Variants in FLNC observed in about 807,000 individuals in gnomAD.
FLNC encodes the protein filamin-C.
Under a neutral mutation model 254.3 loss-of-function variants are expected in FLNC, and 91 were observed. The ratio of observed to expected loss-of-function variants is 0.36; its 90% confidence interval spans 0.30 to 0.43. FLNC has a LOEUF of 0.43. FLNC is among the 20% of genes least tolerant of loss of function. FLNC has a pLI of 1.00. For missense variants in FLNC, 2,853 were observed against 3,802.6 expected (o/e 0.75, Z 6.57); for synonymous variants, 1,430 against 1,577.2 (o/e 0.91, Z 2.21).
rs773294974 is a variant in FLNC, at chr7:128,848,704, C to G, written c.4724C>G (p.Thr1575Ser). The G allele has an allele frequency of 7.4e-6, 12 of 1,613,666 alleles. No individual in the cohort carries two copies. In the South Asian group the frequency reaches 1.1e-4, roughly 15 times the overall value. The change falls in exon 27 of 48, where the codon ACT (threonine) becomes AGT (serine). Residue 1575 changes from threonine (T) to serine (S), a missense_variant. Physicochemically the swap from Thr to Ser is moderately conservative, Grantham distance 58. Coordinates refer to ENST00000325888, the MANE Select transcript of FLNC (RefSeq NM_001458.5). ...DARDAGEGLL[T>S]VQILDPEGKP... The stretch of plus-strand genomic sequence containing the variant: ...CGGGACGCGGGCGAGGGGTTGCTCA[C>G]TGTCCAGATCTTGGTGAGTCTCTGT...
rs1443062678 is a variant in FLNC, at chr7:128,846,617, TGTAGCTC to T, written c.4128-125_4128-119del. On this transcript the variant is annotated intron_variant, in intron 23 of 47. Coordinates refer to ENST00000325888, the MANE Select transcript of FLNC (RefSeq NM_001458.5). Reference sequence around the variant, plus strand: ...CCCTCCAGGACCCCAGATTGGCCCCTGTAGCTCGTTTCTCCTCAGCTGGGTCCCCAGC... The same window carrying T: ...CCCTCCAGGACCCCAGATTGGCCCCTGTTTCTCCTCAGCTGGGTCCCCAGC... 3 of 1,343,904 alleles carry T rather than the reference TGTAGCTC, an allele frequency of 2.2e-6. No homozygotes were observed. The East Asian group carries it at 7.2e-5, about 32-fold the overall frequency. The allele number at this position is 1,343,904 out of a possible 1,614,324, so 83.2% of individuals were successfully genotyped here.
chr7:128,843,369 G>A (rs1415281650), intron 17 of FLNC, 39 bp from the exon 18 acceptor site: 4 of 1,613,152 alleles, frequency 2.5e-6, no homozygotes, highest in East Asian at 2.2e-5. Flanking sequence ...GGGTTAGGTG[G>A]CTGCCAGGCC....
Position 128,850,035 on chromosome 7 carries a change from C to T in FLNC, c.5259C>T (p.Pro1753=), listed in dbSNP as rs1356213468. 6.4e-7 allele frequency: 1 copy of T among 1,557,450 alleles called. No homozygotes were observed. The highest frequency in any genetic ancestry group is 1.7e-4 in the Middle Eastern group (1 of 5,990). The change falls in exon 31 of 48, where the codon CCC becomes CCT. Residue 1753 remains proline, a synonymous_variant. Transcript: ENST00000325888. ...CTGAAGTGCCACAGCTGCGCCAGCC[C>T]TACGCTCCTCCCCGGCCCGGCGCCC... ...EPSEVPQLRQ[P]YAPPRPGARP...
rs982026083 is a variant in FLNC at position 128,847,831 on chromosome 7, G to T, written c.4423G>T (p.Ala1475Ser). The stretch of plus-strand genomic sequence containing the variant: ...AGTGGATTGCAGTCAAGCTGGCCGG[G>T]CGCCCCTGCAGGTGGCTGTGCTGGG... ...FTVDCSQAGR[A>S]PLQVAVLGPT... The change falls in exon 25 of 48, where the codon GCG (alanine) becomes TCG (serine). Residue 1475 changes from alanine (A) to serine (S), a missense_variant. Transcript: ENST00000325888. 1 of 1,613,632 alleles carries T rather than the reference G, an allele frequency of 6.2e-7. No homozygotes were observed. The highest frequency in any genetic ancestry group is 1.7e-5 in the Admixed American group (1 of 60,026).
At chr7:128,850,719 A>G (rs556117587) in intron 32 of FLNC, 84 bp from the exon 33 acceptor site, 54 of 1,594,066 alleles carry the variant, frequency 3.4e-5, no homozygotes, top group Non-Finnish European at 4.6e-5. Flanking sequence ...GTGGCAGCAG[A>G]AGCACTCAGG....
At position 128,854,204 on chromosome 7, in the gene FLNC, C is replaced by T. The variant is rs367820987; in HGVS notation, c.6715C>T (p.Arg2239Trp). ...ERLGSFGSIT[R>W]QQEGEASSQD... ...CCTGGGATCCTTCGGCAGCATCACC[C>T]GGCAGCAGGAGGGTGAGCACCGCAC... The change falls in exon 40 of 48, where the codon CGG (arginine) becomes TGG (tryptophan). Residue 2239 changes from arginine (R) to tryptophan (W), a missense_variant. By Grantham distance (101) the Arg-to-Trp change is moderately radical. This residue lies in a region of FLNC where 551 missense variants were observed against 835.0 expected (regional missense o/e 0.66). Transcript: ENST00000325888. 93 of 1,607,336 alleles carry T rather than the reference C, an allele frequency of 5.8e-5. No individual in the cohort carries two copies. The highest frequency in any genetic ancestry group is 6.7e-5 in the Non-Finnish European group (79 of 1,177,446).
rs569896722 is a variant in FLNC at position 128,844,520 on chromosome 7, A to G, written c.3193-138A>G. On this transcript the variant is annotated intron_variant, in intron 20 of 47. Transcript: ENST00000325888. Reference sequence around the variant, plus strand: ...CAAATTGCTTCATCTCGCTGCCTCAATGTCATCACCTGGGATTGTTATAAG... The same window carrying G: ...CAAATTGCTTCATCTCGCTGCCTCAGTGTCATCACCTGGGATTGTTATAAG... 37 of 959,444 alleles carry G rather than the reference A, an allele frequency of 3.9e-5. 1 individual carries two copies. In the South Asian group the frequency reaches 4.1e-4, roughly 11 times the overall value. The allele number at this position is 959,444 out of a possible 1,614,324, so 59.4% of individuals were successfully genotyped here. A position where few individuals can be genotyped will look rare whatever the true frequency, so the allele number is the denominator to read the frequency against.
chr7:128,843,704 G>A, intron 18 of FLNC, 92 bp from the exon 19 acceptor site: 2 of 1,494,388 alleles, frequency 1.3e-6, no homozygotes, highest in Non-Finnish European at 9.3e-7. Flanking sequence ...TCACTCTCAT[G>A]GTGGATCTGA....
In FLNC at chr7:128,842,442, G is replaced by C; in HGVS notation, c.2265+68G>C. 1 of 1,608,832 alleles carries C rather than the reference G, an allele frequency of 6.2e-7. No homozygotes were observed. Among genetic ancestry groups the C allele is most frequent in the East Asian group, 2.2e-5 (1 of 44,796 alleles). On this transcript the variant is annotated intron_variant, in intron 14 of 47. Coordinates refer to ENST00000325888, the MANE Select transcript of FLNC (RefSeq NM_001458.5). This position sits in a 1 kb window ranked among gnomAD's most constrained non-coding sequence, Gnocchi z 5.4. ...CTGAGGGAGGGCGGAACCCTCGCTGGAGTCCCTGTTGTCCCTGGGCTCAGG... is the reference window on the plus strand; with the variant it reads ...CTGAGGGAGGGCGGAACCCTCGCTGCAGTCCCTGTTGTCCCTGGGCTCAGG...
Position 128,844,117 on chromosome 7 carries a change from C to A in FLNC, c.3043C>A (p.Leu1015Met). 6.2e-7 allele frequency: 1 copy of A among 1,614,008 alleles called. No individual in the cohort carries two copies. Among genetic ancestry groups the A allele is most frequent in the South Asian group, 1.1e-5 (1 of 91,084 alleles). ...SPSRRPIPCK[L>M]EPGGGAEAQA... Reference sequence around the variant, plus strand: ...CTCTCGCCGGCCCATCCCCTGCAAGCTGGAGCCAGGCGGTGGAGCGGAAGC... The same window carrying A: ...CTCTCGCCGGCCCATCCCCTGCAAGATGGAGCCAGGCGGTGGAGCGGAAGC... The change falls in exon 20 of 48, where the codon CTG (leucine) becomes ATG (methionine). Residue 1015 changes from leucine (L) to methionine (M), a missense_variant. By Grantham distance (15) the Leu-to-Met change is conservative. This residue lies in a region of FLNC where 1,573 missense variants were observed against 1,883.5 expected (regional missense o/e 0.84). Transcript: ENST00000325888.
chr7:128,854,295 A>G, intron 40 of FLNC, 79 bp downstream of exon 40: 1 of 1,604,832 alleles, frequency 6.2e-7, no homozygotes, highest in Non-Finnish European at 8.5e-7. Flanking sequence ...ATGCTGGCAG[A>G]CTGGCCCCGA....
intron 1 of FLNC, among the ~76,000 whole-genome samples, chr7:128,833,661 G>A (rs1352101187): frequency 6.6e-6 from 1 of 152,224 alleles, no homozygotes; most frequent in Non-Finnish European, 1.5e-5. Context: ...CTGCCCAGGG[G>A]TCTGGCTCCA....
At position 128,836,819 on chromosome 7, in the gene FLNC, A is replaced by G. The variant is rs1320797740; in HGVS notation, c.602-341A>G. 2.0e-5 allele frequency among the ~76,000 whole-genome samples: 3 copies of G among 152,170 alleles called. No homozygotes were observed. The highest frequency in any genetic ancestry group is 7.2e-5 in the African/African-American group (3 of 41,446). On this transcript the variant is annotated intron_variant, in intron 2 of 47. Coordinates refer to ENST00000325888, the MANE Select transcript of FLNC (RefSeq NM_001458.5). The surrounding 1 kb of genome is among the most constrained non-coding windows in gnomAD (Gnocchi z 6.0). ...CTCTGCCCACCCCTGAGAAAGCTGA[A>G]TGAGGCAAGAGATAGCGAGAGGGGG...
rs1400309569 is a variant in FLNC, at chr7:128,830,459, C to T, written c.-179C>T. ...GAGGGAGAGAGAGCCAGAGAGCGGC[C>T]GAGCGCCTAGGAGGCCCGCCGAGCC... On this transcript the variant is annotated 5_prime_UTR_variant, in exon 1 of 48. Transcript: ENST00000325888. 2 of 613,912 alleles carry T rather than the reference C, an allele frequency of 3.3e-6. No homozygotes were observed. Among genetic ancestry groups the T allele is most frequent in the African/African-American group, 3.7e-5 (2 of 53,408 alleles). 38.0% of individuals were successfully genotyped at this position (613,912 alleles called of 1,614,324 possible).
In FLNC at chr7:128,844,080, G is replaced by A. The variant is rs61737781; in HGVS notation, c.3006G>A (p.Arg1002=). ...GCGGTCAGGGCCAACTGGATGTGCG[G>A]ATGACTTCGCCCTCTCGCCGGCCCA... ...GAGGQGQLDV[R]MTSPSRRPIP... Residue 1002 remains arginine (R), a synonymous_variant, in exon 20 of 48, where the codon CGG becomes CGA. Coordinates refer to ENST00000325888, the MANE Select transcript of FLNC (RefSeq NM_001458.5). 839 of 1,614,030 alleles carry A rather than the reference G, an allele frequency of 5.2e-4. 4 individuals are homozygous for A. In the African/African-American group the frequency reaches 9.7e-3, roughly 19 times the overall value.
intron 9 of FLNC, 25 bp downstream of exon 9, chr7:128,840,185 G>A (rs1375855072): frequency 1.2e-6 from 2 of 1,612,638 alleles, no homozygotes; most frequent in Admixed American, 1.7e-5. Context: ...CCAGGGTCGT[G>A]AGGGTGGGGC....
At position 128,845,207 on chromosome 7, in the gene FLNC, G is replaced by A. The variant is rs764474178; in HGVS notation, c.3742G>A (p.Val1248Ile). The A allele has an allele frequency of 4.3e-6, 7 of 1,613,890 alleles. No individual in the cohort carries two copies. Among genetic ancestry groups the A allele is most frequent in the Middle Eastern group, 1.6e-4 (1 of 6,062 alleles). The change falls in exon 21 of 48, where the codon GTC becomes ATC. Residue 1248 changes from valine (V) to isoleucine (I), a missense_variant. Physicochemically the swap from Val to Ile is conservative, Grantham distance 29. This residue lies in a region of FLNC where 1,573 missense variants were observed against 1,883.5 expected (regional missense o/e 0.84). Coordinates refer to ENST00000325888, the MANE Select transcript of FLNC (RefSeq NM_001458.5). ...FPTRVHVQPA[V>I]DTSGVKVSGP... is the part of the protein sequence containing the mutation. ...CACCCGTGTCCATGTGCAGCCTGCG[G>A]TCGATACCAGTGGCGTCAAGGTCTC... is the stretch of plus-strand genomic sequence containing the variant.
intron 6 of FLNC, 24 bp downstream of exon 6, chr7:128,838,088 C>A: frequency 6.3e-7 from 1 of 1,595,550 alleles, no homozygotes; most frequent in Non-Finnish European, 8.6e-7. Flanking sequence ...GGCCCCCCTG[C>A]CTGCGCTGCT....
In FLNC at chr7:128,843,283, A is replaced by G. The variant is rs1265704150; in HGVS notation, c.2605A>G (p.Lys869Glu). 1 of 1,612,460 alleles carries G rather than the reference A, an allele frequency of 6.2e-7. No individual in the cohort carries two copies. The highest frequency in any genetic ancestry group is 8.5e-7 in the Non-Finnish European group (1 of 1,179,278). Reference protein sequence around the residue: ...IKVDPSHDASKVKAEGPGLNR... With the variant: ...IKVDPSHDASEVKAEGPGLNR... ...GGTGGACCCATCCCACGATGCCAGC[A>G]AAGTCAAGGCCGAGGGCCCTGGGCT... Residue 869 changes from lysine to glutamate, a missense_variant, in exon 17 of 48, where the codon AAA becomes GAA. This residue lies in a region of FLNC where 1,573 missense variants were observed against 1,883.5 expected (regional missense o/e 0.84). Coordinates refer to ENST00000325888, the MANE Select transcript of FLNC (RefSeq NM_001458.5).
Sources: allele counts gnomAD v4.1 joint callset (sites outside exome capture counted in the v4.1 genomes callset), GRCh38; gene constraint gnomAD v4.1.1; regional missense constraint gnomAD v4.1.1; non-coding constraint Gnocchi (gnomAD v3.1); transcripts MANE v1.5; gene names NCBI Gene and HGNC (gene_info 2026-07-23, HGNC 2026-07-21).